Variants in CCDC91 observed in about 807,000 individuals in gnomAD.
CCDC91 encodes coiled-coil domain-containing protein 91.
CCDC91 carries 48 observed loss-of-function variants against 63.2 expected under a neutral mutation model. That is an observed-to-expected ratio of 0.76 (90% CI 0.60 to 0.97). CCDC91 has a LOEUF of 0.97. CCDC91 is among the 50% of genes least tolerant of loss of function. CCDC91 has a pLI of 0.00. For missense variants in CCDC91, 500 were observed against 494.6 expected, an observed-to-expected ratio of 1.01 and a Z score of -0.10; for synonymous variants, 167 against 165.8, an observed-to-expected ratio of 1.01 and a Z score of -0.06.
At chr12:28,431,178 T>C (rs1031699476) in intron 8 of CCDC91, among the ~76,000 whole-genome samples, 2 of 152,172 alleles carry the variant, frequency 1.3e-5, no homozygotes, top group African/African-American at 4.8e-5. Context: ...CATAAATGTT[T>C]CACATATGTT....
intron 12 of CCDC91, among the ~76,000 whole-genome samples, chr12:28,507,918 G>A (rs1431163873): frequency 6.6e-6 from 1 of 151,928 alleles, no homozygotes; most frequent in African/African-American, 2.4e-5. Flanking sequence ...CTGGAGCTGG[G>A]ATGGCCCTTC....
At chr12:28,464,605 G>A (rs1193896509) in intron 11 of CCDC91, among the ~76,000 whole-genome samples, 1 of 152,154 alleles carries the variant, frequency 6.6e-6, no homozygotes, top group Non-Finnish European at 1.5e-5. Flanking sequence ...AAGGGAACCT[G>A]CTGCCTTGAA....
intron 10 of CCDC91, among the ~76,000 whole-genome samples, chr12:28,450,808 C>A (rs1290468201): frequency 1.3e-5 from 2 of 151,720 alleles, no homozygotes; most frequent in African/African-American, 4.8e-5. Context: ...AAAATATACA[C>A]ACACCAACAA....
intron 12 of CCDC91, among the ~76,000 whole-genome samples, chr12:28,502,471 T>G (rs1247403562): frequency 6.6e-6 from 1 of 151,506 alleles, no homozygotes; most frequent in Non-Finnish European, 1.5e-5. Flanking sequence ...TGCTCATGGG[T>G]AGGAAGAATC....
intron 1 of CCDC91, among the ~76,000 whole-genome samples, chr12:28,250,953 AGTGTGT>A (rs3064712): frequency 0.13 from 19,067 of 145,438 alleles, 1,298 homozygotes; most frequent in African/African-American, 0.16. Context: ...TTAAGGTTTG[AGTGTGT>A]GTGTGTGTGT....
At chr12:28,310,636 G>GTA (rs1232816787) in intron 6 of CCDC91, among the ~76,000 whole-genome samples, 1 of 152,000 alleles carries the variant, frequency 6.6e-6, no homozygotes, top group African/African-American at 2.4e-5. Flanking sequence ...CGAAGTTAAA[G>GTA]TAGGCATACT....
chr12:28,420,013 T>C (rs1947907918), intron 8 of CCDC91, among the ~76,000 whole-genome samples: 1 of 152,120 alleles, frequency 6.6e-6, no homozygotes, highest in Non-Finnish European at 1.5e-5. Flanking sequence ...TGCCTTGGCC[T>C]TCCAAAGTGC....
intron 12 of CCDC91, among the ~76,000 whole-genome samples, chr12:28,541,213 CT>C (rs1265069979): frequency 6.6e-6 from 1 of 152,130 alleles, no homozygotes; most frequent in Non-Finnish European, 1.5e-5. Flanking sequence ...GGAGCAAGTA[CT>C]ACCAATCAAC....
At chr12:28,401,934 C>T (rs144883009) in intron 8 of CCDC91, among the ~76,000 whole-genome samples, 83 of 152,226 alleles carry the variant, frequency 5.5e-4, no homozygotes, top group South Asian at 3.1e-3. Flanking sequence ...AGACAGTCAA[C>T]GTTCTTCTCT....
intron 12 of CCDC91, among the ~76,000 whole-genome samples, chr12:28,510,828 C>G (rs1939293278): frequency 6.6e-6 from 1 of 151,776 alleles, no homozygotes; most frequent in Non-Finnish European, 1.5e-5. Context: ...ATCCAAATTC[C>G]TCTCTTAAGA....
intron 3 of CCDC91, among the ~76,000 whole-genome samples, chr12:28,302,400 T>C (rs1938173682): frequency 6.6e-6 from 1 of 152,114 alleles, no homozygotes; most frequent in Admixed American, 6.6e-5. Flanking sequence ...GTGGTTGGTA[T>C]GCATTATCTC....
At chr12:28,402,520 A>ATTTTTTTTTTTTTTTTT (rs57398967) in intron 8 of CCDC91, among the ~76,000 whole-genome samples, 1 of 51,938 alleles carries the variant, frequency 1.9e-5, no homozygotes, top group Non-Finnish European at 3.4e-5. Context: ...AGTTCCAGGA[A>ATTTTTTTTTTTTTTTTT]TTTTTTTTTT....
At chr12:28,287,285 T>A (rs1020572987) in intron 3 of CCDC91, among the ~76,000 whole-genome samples, 1 of 152,140 alleles carries the variant, frequency 6.6e-6, no homozygotes, top group Non-Finnish European at 1.5e-5. Context: ...CTTTGCCTGT[T>A]CCTGTGTCCA....
chr12:28,401,106 C>A (rs1946593763), intron 8 of CCDC91, among the ~76,000 whole-genome samples: 1 of 152,122 alleles, frequency 6.6e-6, no homozygotes, highest in South Asian at 2.1e-4. Context: ...TACAGCAGTA[C>A]CCACTCTCTG....
chr12:28,549,475 C>G lies in CCDC91; in HGVS notation c.*302C>G, dbSNP rs1943201121. The G allele has an allele frequency of 5.3e-6, 1 of 187,012 alleles. No individual in the cohort carries two copies. Among genetic ancestry groups the G allele is most frequent in the East Asian group, 1.4e-4 (1 of 7,322 alleles). 11.6% of individuals were successfully genotyped at this position (187,012 alleles called of 1,614,324 possible). ...AAAATTAATTAAGTAAACTTTATAG[C>G]CTGTGGGAGTCTATTATATATTATT... On this transcript the variant is annotated 3_prime_UTR_variant, in exon 13 of 13. Transcript: ENST00000536442.
chr12:28,455,494 A>G (rs1257148334), intron 11 of CCDC91, among the ~76,000 whole-genome samples: 1 of 152,060 alleles, frequency 6.6e-6, no homozygotes, highest in African/African-American at 2.4e-5. Context: ...ATTTATAATT[A>G]ATGTCCTTGT....
intron 1 of CCDC91, among the ~76,000 whole-genome samples, chr12:28,251,782 C>G (rs1345155189): frequency 3.3e-5 from 5 of 152,220 alleles, no homozygotes; most frequent in Non-Finnish European, 7.4e-5. Flanking sequence ...ATACATGTCT[C>G]AGGAGCTTTC....
rs188962455 is a variant in CCDC91 at position 28,366,993 on chromosome 12, G to C, written c.654+4478G>C. Among the ~76,000 whole-genome samples the C allele has an allele frequency of 1.4e-3, 218 of 152,152 alleles. 3 individuals carry two copies. Among genetic ancestry groups the C allele is most frequent in the Non-Finnish European group, 2.8e-3 (188 of 68,010 alleles). ...TGGAGGTTTTCATTTTTCTCGGCTG[G>C]AGTGGTGTCCTGTCAGAAGAAATCT... is the stretch of plus-strand genomic sequence containing the variant. On this transcript the variant is annotated intron_variant, in intron 7 of 12. Coordinates refer to ENST00000536442, the MANE Select transcript of CCDC91 (RefSeq NM_018318.5).
At chr12:28,300,494 C>A (rs1565758321) in intron 3 of CCDC91, among the ~76,000 whole-genome samples, 1 of 145,844 alleles carries the variant, frequency 6.9e-6, no homozygotes, top group Non-Finnish European at 1.6e-5. Context: ...TTTAATACAG[C>A]AAATTTTGAT....
Sources: gnomAD v4.1 joint callset for allele counts (sites outside exome capture counted in the v4.1 genomes callset) on GRCh38, gnomAD v4.1.1 for gene constraint, MANE v1.5 for transcripts, NCBI Gene and HGNC (gene_info 2026-07-23, HGNC 2026-07-21) for gene names.